MRRF: variants seen among roughly 807,000 people sequenced by gnomAD.
MRRF encodes the protein ribosome-recycling factor, mitochondrial.
A neutral mutation model predicts 25.1 loss-of-function variants in MRRF; 18 were observed. That is an observed-to-expected ratio of 0.72 (90% confidence interval 0.50 to 1.06). The LOEUF (loss-of-function observed/expected upper bound fraction) is 1.06, where lower values mean the gene tolerates loss of function less well. MRRF is among the 50% of genes least tolerant of loss of function. The pLI is 0.00. For missense variants in MRRF, 323 were observed against 319.3 expected (o/e 1.01, Z -0.09); for synonymous variants, 113 against 112.1 (o/e 1.01, Z -0.05).
rs71508158 is a variant in MRRF, at chr9:122,326,106, ATTT to A, written c.*3506_*3508del. The A allele has an allele frequency of 3.4e-5, 4 of 116,948 alleles. No individual in the cohort carries two copies. The highest frequency in any genetic ancestry group is 1.8e-4 in the Admixed American group (2 of 11,104). 7.2% of individuals were successfully genotyped at this position (116,948 alleles called of 1,614,324 possible). On this transcript the variant is annotated 3_prime_UTR_variant, in exon 7 of 7. Coordinates refer to ENST00000344641, the MANE Select transcript of MRRF (RefSeq NM_138777.5). ...GAGCCACTCTGCCTGGCCATATATA[ATTT>A]TTTTTTTTTTTTTTTTGCAATGGAG...
intron 5 of MRRF, among the ~76,000 whole-genome samples, chr9:122,304,718 G>T (rs1452402168): frequency 1.3e-5 from 2 of 152,120 alleles, no homozygotes; most frequent in Admixed American, 6.5e-5. Flanking sequence ...GTGTTGGGGA[G>T]TAGCATGAAT....
intron 4 of MRRF, chr9:122,285,526 A>G (rs1293013414): frequency 6.1e-6 from 3 of 489,300 alleles, no homozygotes; most frequent in Admixed American, 6.5e-5. Flanking sequence ...ATCTAAGAAA[A>G]ACAATACTGG....
Position 122,322,579 on chromosome 9 carries a change from A to G in MRRF, c.751A>G (p.Arg251Gly), listed in dbSNP as rs916661235. 3 of 1,614,180 alleles carry G rather than the reference A, an allele frequency of 1.9e-6. No homozygotes were observed. The highest frequency in any genetic ancestry group is 2.2e-5 in the East Asian group (1 of 44,882). ...MADDTVAELD[R>G]HLAVKTKELL... ...CGATGACACAGTGGCAGAACTGGAC[A>G]GGCATCTGGCAGTGAAGACCAAAGA... The change falls in exon 7 of 7, where the codon AGG becomes GGG. Residue 251 changes from arginine (R) to glycine (G), a missense_variant. Physicochemically the swap from Arg to Gly is moderately radical, Grantham distance 125. Coordinates refer to ENST00000344641, the MANE Select transcript of MRRF (RefSeq NM_138777.5).
chr9:122,293,184 G>A (rs543829699), intron 5 of MRRF, among the ~76,000 whole-genome samples: 1 of 152,280 alleles, frequency 6.6e-6, no homozygotes, highest in East Asian at 1.9e-4. Flanking sequence ...AGGGACATTT[G>A]AACAAAGACC....
chr9:122,274,948 G>A (rs1832688507), intron 2 of MRRF, among the ~76,000 whole-genome samples: 1 of 151,378 alleles, frequency 6.6e-6, no homozygotes, highest in Non-Finnish European at 1.5e-5. Context: ...CCTCTGAGTT[G>A]GACAATTAGT....
At chr9:122,308,241 C>CT (rs1389044139) in intron 5 of MRRF, among the ~76,000 whole-genome samples, 1 of 152,194 alleles carries the variant, frequency 6.6e-6, no homozygotes, top group Non-Finnish European at 1.5e-5. Context: ...AGCTCCCTGT[C>CT]TACCTGCCTA....
intron 2 of MRRF, among the ~76,000 whole-genome samples, chr9:122,271,880 G>A (rs766414527): frequency 2.0e-5 from 3 of 152,234 alleles, no homozygotes; most frequent in Middle Eastern, 3.4e-3. Flanking sequence ...CAAGAATGGC[G>A]CTAGATATAT....
chr9:122,312,545 G>A (rs1047862358), intron 5 of MRRF, among the ~76,000 whole-genome samples: 3 of 152,166 alleles, frequency 2.0e-5, no homozygotes, highest in Non-Finnish European at 2.9e-5. Context: ...AGCAAGAACC[G>A]TGTTGATTTG....
intron 5 of MRRF, among the ~76,000 whole-genome samples, chr9:122,312,575 A>C (rs1160023251): frequency 6.6e-6 from 1 of 152,238 alleles, no homozygotes; most frequent in African/African-American, 2.4e-5. Flanking sequence ...AAGCATAAGC[A>C]TGTCCATTTC....
intron 5 of MRRF, among the ~76,000 whole-genome samples, chr9:122,297,023 AT>A (rs1170975083): frequency 6.6e-6 from 1 of 152,186 alleles, no homozygotes; most frequent in African/African-American, 2.4e-5. Context: ...TACATAAAAT[AT>A]TTAAATGAGG....
intron 5 of MRRF, among the ~76,000 whole-genome samples, chr9:122,299,049 A>G (rs1010789607): frequency 1.3e-5 from 2 of 152,076 alleles, no homozygotes; most frequent in Non-Finnish European, 2.9e-5. Flanking sequence ...TGTTCAAGGA[A>G]CAGCAAGAGG....
intron 1 of MRRF, among the ~76,000 whole-genome samples, chr9:122,266,288 A>T (rs1042958299): frequency 1.3e-5 from 2 of 152,224 alleles, no homozygotes; most frequent in Non-Finnish European, 2.9e-5. Context: ...GATGAAGTAA[A>T]GGGTGCTATG....
At chr9:122,315,091 G>C (rs1008238604) in intron 6 of MRRF, among the ~76,000 whole-genome samples, 1 of 152,026 alleles carries the variant, frequency 6.6e-6, no homozygotes, top group African/African-American at 2.4e-5. Flanking sequence ...CACCTGGGGG[G>C]GGGAATTTTA....
chr9:122,306,478 C>T (rs1039664460), intron 5 of MRRF, among the ~76,000 whole-genome samples: 1 of 152,136 alleles, frequency 6.6e-6, no homozygotes, highest in Admixed American at 6.6e-5. Context: ...AAATAACTTG[C>T]CCAGGGCCAC....
At chr9:122,297,886 T>C (rs1834193734) in intron 5 of MRRF, among the ~76,000 whole-genome samples, 4 of 152,174 alleles carry the variant, frequency 2.6e-5, no homozygotes, top group Admixed American at 2.6e-4. Context: ...ATGTGGTTCT[T>C]TTAGGAAACC....
intron 5 of MRRF, among the ~76,000 whole-genome samples, chr9:122,308,519 C>T (rs1835004669): frequency 6.6e-6 from 1 of 150,462 alleles, no homozygotes; most frequent in Non-Finnish European, 1.5e-5. Flanking sequence ...GCCAACATGG[C>T]GAAACCCCGT....
chr9:122,275,989 C>A (rs1832746973), intron 2 of MRRF, among the ~76,000 whole-genome samples: 1 of 152,076 alleles, frequency 6.6e-6, no homozygotes, highest in South Asian at 2.1e-4. Context: ...CTCACTGCAG[C>A]CTTGTCCTCC....
Position 122,324,173 on chromosome 9 carries a change from T to C in MRRF, c.*1556T>C, listed in dbSNP as rs1052216186. Reference sequence around the variant, plus strand: ...CATCTCCCAAGACTGCCAACACTTTTGATGCCAGTCATGAGTCTGGGCCAC... The same window carrying C: ...CATCTCCCAAGACTGCCAACACTTTCGATGCCAGTCATGAGTCTGGGCCAC... On this transcript the variant is annotated 3_prime_UTR_variant, in exon 7 of 7. Coordinates refer to ENST00000344641, the MANE Select transcript of MRRF (RefSeq NM_138777.5). 1 of 152,230 alleles carries C rather than the reference T, an allele frequency of 6.6e-6. No homozygotes were observed. Among genetic ancestry groups the C allele is most frequent in the Non-Finnish European group, 1.5e-5 (1 of 68,052 alleles). The allele number at this position is 152,230 out of a possible 1,614,324, so 9.4% of individuals were successfully genotyped here. A position where few individuals can be genotyped will look rare whatever the true frequency, so the allele number is the denominator to read the frequency against.
At chr9:122,311,768 G>A (rs1236200751) in intron 5 of MRRF, among the ~76,000 whole-genome samples, 1 of 152,138 alleles carries the variant, frequency 6.6e-6, no homozygotes, top group African/African-American at 2.4e-5. Context: ...AAATACTTCA[G>A]TATGTTCTTT....
Sources: gnomAD v4.1 joint callset for allele counts (sites outside exome capture counted in the v4.1 genomes callset) on GRCh38, gnomAD v4.1.1 for gene constraint, MANE v1.5 for transcripts, NCBI Gene and HGNC (gene_info 2026-07-23, HGNC 2026-07-21) for gene names.